SYT1: variants seen among roughly 807,000 people sequenced by gnomAD.
SYT1 encodes the protein synaptotagmin 1.
Under a neutral mutation model 44.8 loss-of-function variants are expected in SYT1, and 8 were observed. That is an observed-to-expected ratio of 0.18 (90% confidence interval 0.10 to 0.32). The LOEUF is 0.32. Ranked by LOEUF, SYT1 falls within the 10% of genes least tolerant of loss-of-function variation. The pLI, the probability that SYT1 is intolerant of heterozygous loss-of-function variation, is 1.00. For synonymous variants in SYT1, 154 were observed against 188.8 expected (o/e 0.82, Z 1.51); for missense variants, 286 against 509.3 (o/e 0.56, Z 4.22).
At chr12:79,386,269 C>A (rs1884429642) in intron 9 of SYT1, among the ~76,000 whole-genome samples, 1 of 151,450 alleles carries the variant, frequency 6.6e-6, no homozygotes, top group African/African-American at 2.4e-5. Flanking sequence ...TTATAAGATT[C>A]CTTTGAAAAT....
chr12:79,190,875 T>C (rs1457857527), intron 3 of SYT1, among the ~76,000 whole-genome samples: 1 of 152,126 alleles, frequency 6.6e-6, no homozygotes, highest in Non-Finnish European at 1.5e-5. Context: ...ATATTACATG[T>C]TTTGTATCTA....
At position 78,876,564 on chromosome 12, in the gene SYT1, T is replaced by C. The variant is rs1475512290; in HGVS notation, c.-217+11455T>C. Reference sequence around the variant, plus strand: ...CTATATATATGAGTGTGTGTATATATATACACACATATACACACACACGTA... The same window carrying C: ...CTATATATATGAGTGTGTGTATATACATACACACATATACACACACACGTA... On this transcript the variant is annotated intron_variant, in intron 1 of 10. Transcript: ENST00000261205. Among the ~76,000 whole-genome samples the C allele has an allele frequency of 2.1e-5, 3 of 139,728 alleles. No individual in the cohort carries two copies. The Admixed American group carries it at 2.3e-4, about 11-fold the overall frequency. The allele number at this position is 139,728 out of a possible 152,430, so 91.7% of individuals were successfully genotyped here.
chr12:78,974,065 G>A (rs1421011593), intron 1 of SYT1, among the ~76,000 whole-genome samples: 2 of 144,288 alleles, frequency 1.4e-5, no homozygotes, highest in Non-Finnish European at 3.0e-5. Flanking sequence ...GAACATCATA[G>A]AGTGTACTTA....
chr12:79,140,461 C>T (rs576246144), intron 3 of SYT1, among the ~76,000 whole-genome samples: 18 of 152,280 alleles, frequency 1.2e-4, no homozygotes, highest in South Asian at 8.3e-4. Context: ...TCTTAATAGT[C>T]ACTTCTCTGA....
chr12:79,395,976 C>T (rs575081159), intron 9 of SYT1, among the ~76,000 whole-genome samples: 1 of 152,262 alleles, frequency 6.6e-6, no homozygotes, highest in African/African-American at 2.4e-5. Context: ...CATACTATGG[C>T]TGCAATATAC....
rs2136213740 is a variant in SYT1 at position 79,449,865 on chromosome 12, A to G, written c.*741A>G. ...GCTTCACTCTTATATTTGAGGAAGC[A>G]ACTGAACAGGAGTCAATGATTTCAT... On this transcript the variant is annotated 3_prime_UTR_variant, in exon 11 of 11. Transcript: ENST00000261205. 6.6e-6 allele frequency: 1 copy of G among 152,278 alleles called. No homozygotes were observed. The highest frequency in any genetic ancestry group is 1.5e-5 in the Non-Finnish European group (1 of 68,062). 9.4% of individuals were successfully genotyped at this position (152,278 alleles called of 1,614,324 possible).
intron 2 of SYT1, chr12:79,036,509 C>G (rs1214406291): frequency 1.3e-5 from 2 of 151,750 alleles, no homozygotes; most frequent in Non-Finnish European, 2.9e-5. Flanking sequence ...CTTTTGAACA[C>G]TCTTCATATC....
intron 2 of SYT1, among the ~76,000 whole-genome samples, chr12:78,982,701 T>G (rs2137445881): frequency 6.6e-6 from 1 of 152,246 alleles, no homozygotes; most frequent in African/African-American, 2.4e-5. Flanking sequence ...AACGGTTTTG[T>G]TACCCCAAAG....
intron 8 of SYT1, among the ~76,000 whole-genome samples, chr12:79,324,817 A>T (rs1881536565): frequency 6.6e-6 from 1 of 152,222 alleles, no homozygotes; most frequent in Non-Finnish European, 1.5e-5. Flanking sequence ...ACCTACAAAG[A>T]ACGGGACAAA....
At chr12:79,292,616 C>T in intron 6 of SYT1, among the ~76,000 whole-genome samples, 1 of 152,082 alleles carries the variant, frequency 6.6e-6, no homozygotes. Flanking sequence ...AATTTAAAAG[C>T]AGGATGGCCT....
intron 3 of SYT1, among the ~76,000 whole-genome samples, chr12:79,142,220 A>C (rs551141560): frequency 5.3e-5 from 8 of 152,366 alleles, no homozygotes; most frequent in Admixed American, 4.6e-4. Context: ...ATATTACAGC[A>C]CACCTGTGCA....
At chr12:78,936,529 T>G (rs1222745833) in intron 1 of SYT1, among the ~76,000 whole-genome samples, 2 of 152,146 alleles carry the variant, frequency 1.3e-5, no homozygotes, top group Non-Finnish European at 2.9e-5. Context: ...TTCTTTAAAT[T>G]GGGTATTTAT....
intron 2 of SYT1, among the ~76,000 whole-genome samples, chr12:79,006,885 G>T (rs1871126409): frequency 6.6e-6 from 1 of 152,062 alleles, no homozygotes; most frequent in Non-Finnish European, 1.5e-5. Context: ...AAGATGTCTT[G>T]CATTGATTAT....
intron 3 of SYT1, among the ~76,000 whole-genome samples, chr12:79,108,170 G>T (rs1878819986): frequency 6.6e-6 from 1 of 151,634 alleles, no homozygotes; most frequent in South Asian, 2.1e-4. Context: ...TCTTGGGGGT[G>T]GAATTAAAAG....
intron 3 of SYT1, among the ~76,000 whole-genome samples, chr12:79,190,177 C>T (rs1226558806): frequency 6.6e-6 from 1 of 152,092 alleles, no homozygotes; most frequent in Non-Finnish European, 1.5e-5. Flanking sequence ...TTCTTCTTTT[C>T]CGAACTTGCC....
intron 3 of SYT1, among the ~76,000 whole-genome samples, chr12:79,183,260 A>G (rs1247092264): frequency 1.3e-5 from 2 of 151,926 alleles, no homozygotes; most frequent in Non-Finnish European, 2.9e-5. Flanking sequence ...TTCTGCAGTG[A>G]GTGGTGCTGC....
intron 3 of SYT1, among the ~76,000 whole-genome samples, chr12:79,159,829 G>A (rs1870838516): frequency 6.6e-6 from 1 of 152,104 alleles, no homozygotes; most frequent in Non-Finnish European, 1.5e-5. Flanking sequence ...AACACCGTCT[G>A]TTATTAGATA....
Position 79,070,042 on chromosome 12 carries a change from G to T in SYT1, c.-18+22680G>T, listed in dbSNP as rs1876158203. Among the ~76,000 whole-genome samples, 3 of 152,140 alleles carry T rather than the reference G, an allele frequency of 2.0e-5. No homozygotes were observed. The South Asian group carries it at 6.2e-4, about 32-fold the overall frequency. On this transcript the variant is annotated intron_variant, in intron 3 of 10. Transcript: ENST00000261205. Reference sequence around the variant, plus strand: ...TTTCATCCTTTCAAATTTTTCAAAAGCTAATTAAGGTGTCATAGGTAAATA... The same window carrying T: ...TTTCATCCTTTCAAATTTTTCAAAATCTAATTAAGGTGTCATAGGTAAATA...
chr12:79,084,382 A>G (rs1189198079), intron 3 of SYT1, among the ~76,000 whole-genome samples: 1 of 152,154 alleles, frequency 6.6e-6, no homozygotes, highest in Non-Finnish European at 1.5e-5. Flanking sequence ...TTGAACATAC[A>G]CTAGTCTCCA....
Sources: gnomAD v4.1 joint callset for allele counts (sites outside exome capture counted in the v4.1 genomes callset) on GRCh38, gnomAD v4.1.1 for gene constraint, MANE v1.5 for transcripts, NCBI Gene and HGNC (gene_info 2026-07-23, HGNC 2026-07-21) for gene names.